EML6: variants seen among roughly 807,000 people sequenced by gnomAD.
EML6 encodes EMAP like 6.
Under a neutral mutation model 240.1 loss-of-function variants are expected in EML6, and 154 were observed. The ratio of observed to expected loss-of-function variants is 0.64; its 90% confidence interval spans 0.56 to 0.73. The LOEUF (loss-of-function observed/expected upper bound fraction) is 0.73, where lower values mean the gene tolerates loss of function less well. Among genes scored for constraint, EML6 ranks in the 30% least tolerant of loss-of-function variants. The pLI is 0.00. For synonymous variants in EML6, 1,148 were observed against 899.0 expected, an observed-to-expected ratio of 1.28 and a Z score of -4.95; for missense variants, 2,964 against 2,474.6, an observed-to-expected ratio of 1.20 and a Z score of -4.20.
At chr2:54,945,785 CAAGAGCCCGTGT>C (rs1422377797) in intron 28 of EML6, among the ~76,000 whole-genome samples, 1 of 152,248 alleles carries the variant, frequency 6.6e-6, no homozygotes, top group African/African-American at 2.4e-5. Context: ...CTGTGCAGGG[CAAGAGCCCGTGT>C]CAGGATAAGA....
chr2:54,946,546 C>T (rs1379384619), intron 28 of EML6, among the ~76,000 whole-genome samples: 2 of 152,222 alleles, frequency 1.3e-5, no homozygotes, highest in South Asian at 2.1e-4. Flanking sequence ...TGTTTGGCTA[C>T]GTGTGAAGTC....
intron 2 of EML6, among the ~76,000 whole-genome samples, chr2:54,801,578 T>A (rs1670151451): frequency 6.6e-6 from 1 of 152,220 alleles, no homozygotes. Context: ...AGAATATGGA[T>A]GAATCCGTTT....
Position 54,960,411 on chromosome 2 carries a change from C to G in EML6, c.4968+77C>G, listed in dbSNP as rs569198420. ...GGTACCCTCCCAGCCGGCACTTTCT[C>G]TGGGCTGGTTTGTTTACTCCTTGAA... On this transcript the variant is annotated intron_variant, in intron 35 of 41. Transcript: ENST00000356458. 4.6e-6 allele frequency: 5 copies of G among 1,089,300 alleles called. No homozygotes were observed. In the East Asian group the frequency reaches 1.0e-4, roughly 23 times the overall value. 67.5% of individuals were successfully genotyped at this position (1,089,300 alleles called of 1,614,324 possible). A position where few individuals can be genotyped will look rare whatever the true frequency, so the allele number is the denominator to read the frequency against.
rs1668521078 is a variant in EML6 at position 54,774,549 on chromosome 2, C to G, written c.198-38683C>G. 6.6e-6 allele frequency among the ~76,000 whole-genome samples: 1 copy of G among 152,198 alleles called. No individual in the cohort carries two copies. On this transcript the variant is annotated intron_variant, in intron 2 of 41. Transcript: ENST00000356458. This position sits in a 1 kb window ranked among gnomAD's most constrained non-coding sequence, Gnocchi z 4.1. Reference sequence around the variant, plus strand: ...ATCACGGGGAGAATGGAAGAGCTAGCATCTCTGCTACACTACATCATAGGG... The same window carrying G: ...ATCACGGGGAGAATGGAAGAGCTAGGATCTCTGCTACACTACATCATAGGG...
At chr2:54,954,351 C>T (rs901364943) in intron 32 of EML6, among the ~76,000 whole-genome samples, 195 bp downstream of exon 32, 1 of 152,116 alleles carries the variant, frequency 6.6e-6, no homozygotes, top group Non-Finnish European at 1.5e-5. Context: ...GGTCCCAGGG[C>T]CAGGAGGAGG....
chr2:54,858,530 C>A (rs1455245730), intron 11 of EML6, among the ~76,000 whole-genome samples: 1 of 152,182 alleles, frequency 6.6e-6, no homozygotes, highest in Non-Finnish European at 1.5e-5. Flanking sequence ...TAGTTGGAGC[C>A]AGTTTGACTT....
intron 10 of EML6, 29 bp from the exon 11 acceptor site, chr2:54,853,614 A>T (rs1170524216): frequency 1.4e-5 from 18 of 1,294,824 alleles, no homozygotes; most frequent in Non-Finnish European, 1.9e-5. Flanking sequence ...TTTTTATTTA[A>T]ATGTAATGTT....
intron 26 of EML6, among the ~76,000 whole-genome samples, chr2:54,927,202 C>T (rs1674596537): frequency 6.6e-6 from 1 of 152,228 alleles, no homozygotes; most frequent in Non-Finnish European, 1.5e-5. Context: ...AGGCTCAGTA[C>T]TCTGCTGAGG....
intron 2 of EML6, among the ~76,000 whole-genome samples, chr2:54,802,551 TG>T (rs1441731597): frequency 2.0e-5 from 3 of 151,794 alleles, no homozygotes; most frequent in African/African-American, 7.3e-5. Flanking sequence ...CACTGAGCCC[TG>T]GGAAGGTCGA....
At chr2:54,945,488 C>A (rs1180848922) in intron 28 of EML6, among the ~76,000 whole-genome samples, 2 of 151,906 alleles carry the variant, frequency 1.3e-5, no homozygotes, top group Non-Finnish European at 2.9e-5. Context: ...CCCACACTCA[C>A]ACCCACACCC....
intron 2 of EML6, among the ~76,000 whole-genome samples, chr2:54,773,283 A>C (rs1037122229): frequency 1.4e-4 from 21 of 152,282 alleles, no homozygotes; most frequent in African/African-American, 5.1e-4. Flanking sequence ...TCCACTGAGC[A>C]GTGAGGCTGA....
chr2:54,904,674 C>G (rs1673225696), intron 24 of EML6, among the ~76,000 whole-genome samples: 1 of 152,170 alleles, frequency 6.6e-6, no homozygotes, highest in African/African-American at 2.4e-5. Context: ...GAGACACAGG[C>G]TGGGATAGAG....
chr2:54,845,431 A>G (rs952773742), intron 8 of EML6, among the ~76,000 whole-genome samples: 7 of 152,256 alleles, frequency 4.6e-5, no homozygotes, highest in Non-Finnish European at 8.8e-5. Context: ...GTTAAGTCTC[A>G]GAATTGCAAA....
chr2:54,931,074 C>G (rs1018922541), intron 28 of EML6, among the ~76,000 whole-genome samples: 1 of 151,538 alleles, frequency 6.6e-6, no homozygotes, highest in African/African-American at 2.4e-5. Flanking sequence ...TCTCCTGCCT[C>G]AGCCTCCCAA....
At chr2:54,919,442 CCTTT>C (rs1333850890) in intron 26 of EML6, among the ~76,000 whole-genome samples, 1 of 152,150 alleles carries the variant, frequency 6.6e-6, no homozygotes, top group African/African-American at 2.4e-5. Flanking sequence ...TCTTCTCCTT[CCTTT>C]GTTAATAACT....
intron 2 of EML6, among the ~76,000 whole-genome samples, chr2:54,741,688 G>A (rs1269567482): frequency 6.6e-6 from 1 of 152,196 alleles, no homozygotes; most frequent in Non-Finnish European, 1.5e-5. Context: ...TAAAGAATAA[G>A]GGGAGATATT....
intron 2 of EML6, among the ~76,000 whole-genome samples, chr2:54,785,323 G>A (rs1669033425): frequency 6.6e-6 from 1 of 151,922 alleles, no homozygotes; most frequent in African/African-American, 2.4e-5. Context: ...TTACAGGTGT[G>A]AGCCACCACG....
chr2:54,894,849 C>T, intron 19 of EML6, 66 bp from the exon 20 acceptor site: 1 of 1,111,122 alleles, frequency 9.0e-7, no homozygotes, highest in African/African-American at 1.5e-5. Context: ...GGGAATCCTC[C>T]TGGGGCCAAG....
At position 54,954,135 on chromosome 2, in the gene EML6, ACTGT is replaced by A. The variant is rs1676120330; in HGVS notation, c.4469_4472del (p.Val1490GlyfsTer40). On this transcript the variant is annotated frameshift_variant, in exon 32 of 42. Coordinates refer to ENST00000356458, the MANE Select transcript of EML6 (RefSeq NM_001039753.4). LOFTEE classifies it high-confidence loss of function. ...GGGAGTGGACCCTGAGCACACCATC[ACTGT>A]CTGGCGATGGCAGGAAGGTAAACCA... is the stretch of plus-strand genomic sequence containing the variant. The A allele has an allele frequency of 1.3e-6, 2 of 1,550,728 alleles. No individual in the cohort carries two copies. The highest frequency in any genetic ancestry group is 1.7e-6 in the Non-Finnish European group (2 of 1,146,632).
Sources: gnomAD v4.1 joint callset for allele counts (sites outside exome capture counted in the v4.1 genomes callset) on GRCh38, gnomAD v4.1.1 for gene constraint, Gnocchi (gnomAD v3.1) non-coding constraint, MANE v1.5 for transcripts, NCBI Gene and HGNC (gene_info 2026-07-23, HGNC 2026-07-21) for gene names.